ADAMTS20: variants seen among roughly 807,000 people sequenced by gnomAD.
The protein encoded by ADAMTS20 is A disintegrin and metalloproteinase with thrombospondin motifs 20.
ADAMTS20 carries 225 observed loss-of-function variants against 260.1 expected under a neutral mutation model. That is an observed-to-expected ratio of 0.87 (90% CI 0.78 to 0.97). The LOEUF (loss-of-function observed/expected upper bound fraction) is 0.97, where lower values mean the gene tolerates loss of function less well. Ranked by LOEUF, ADAMTS20 falls within the 50% of genes least tolerant of loss-of-function variation. The pLI, the probability that ADAMTS20 is intolerant of heterozygous loss-of-function variation, is 0.00. For missense variants in ADAMTS20, 2,400 were observed against 2,337.7 expected, an observed-to-expected ratio of 1.03 and a Z score of -0.55; for synonymous variants, 802 against 769.5, an observed-to-expected ratio of 1.04 and a Z score of -0.70.
At chr12:43,412,174 A>C (rs566504511) in intron 28 of ADAMTS20, among the ~76,000 whole-genome samples, 1 of 152,334 alleles carries the variant, frequency 6.6e-6, no homozygotes, top group South Asian at 2.1e-4. Context: ...AGGCTTACAT[A>C]TGCTTTCTGT....
At chr12:43,409,670 A>G (rs1021720398) in intron 28 of ADAMTS20, among the ~76,000 whole-genome samples, 1 of 151,188 alleles carries the variant, frequency 6.6e-6, no homozygotes, top group African/African-American at 2.4e-5. Flanking sequence ...CCCAATATTT[A>G]ACCAGAAAGA....
In ADAMTS20 at chr12:43,459,773, G is replaced by A. The variant is rs192253297; in HGVS notation, c.1614+3122C>T. ...TCAATATAAGAAAGCCATATTAGAA[G>A]TGAAAAAAAAATCATAATGTACTAT... On this transcript the variant is annotated intron_variant, in intron 11 of 38. Transcript: ENST00000389420. 3.9e-3 allele frequency among the ~76,000 whole-genome samples: 590 copies of A among 151,904 alleles called. 10 individuals carry two copies. Among genetic ancestry groups the A allele is most frequent in the Admixed American group, 0.032 (486 of 15,274 alleles).
chr12:43,543,138 G>T (rs966672126), intron 2 of ADAMTS20, among the ~76,000 whole-genome samples: 1 of 151,820 alleles, frequency 6.6e-6, no homozygotes, highest in Admixed American at 6.6e-5. Flanking sequence ...CATCTCTACT[G>T]AAAATTTTAA....
intron 28 of ADAMTS20, among the ~76,000 whole-genome samples, chr12:43,405,826 A>T (rs1039719672): frequency 6.6e-6 from 1 of 152,192 alleles, no homozygotes; most frequent in Non-Finnish European, 1.5e-5. Flanking sequence ...TAGATATGTC[A>T]CTTCTCTTTG....
intron 4 of ADAMTS20, among the ~76,000 whole-genome samples, chr12:43,501,148 T>TC (rs1376991341): frequency 3.5e-5 from 5 of 142,920 alleles, no homozygotes; most frequent in Non-Finnish European, 7.5e-5. Context: ...AACCTCTGCC[T>TC]CCCGGGTTCA....
At chr12:43,528,373 A>G (rs988325120) in intron 3 of ADAMTS20, among the ~76,000 whole-genome samples, 1 of 148,386 alleles carries the variant, frequency 6.7e-6, no homozygotes, top group Non-Finnish European at 1.5e-5. Context: ...AAAAAAAAAA[A>G]ACACAAATCC....
chr12:43,409,023 T>C (rs1345202059), intron 28 of ADAMTS20, among the ~76,000 whole-genome samples: 2 of 151,888 alleles, frequency 1.3e-5, no homozygotes, highest in African/African-American at 4.8e-5. Flanking sequence ...CCTGTATTCC[T>C]TTTTTTTACT....
intron 37 of ADAMTS20, among the ~76,000 whole-genome samples, chr12:43,358,698 A>G (rs1006676402): frequency 2.6e-5 from 4 of 151,112 alleles, no homozygotes; most frequent in Non-Finnish European, 4.4e-5. Context: ...TTAGCCAGGC[A>G]TGGTGGCGCG....
chr12:43,489,762 A>G (rs1288873382), intron 7 of ADAMTS20, among the ~76,000 whole-genome samples: 2 of 151,942 alleles, frequency 1.3e-5, no homozygotes, highest in African/African-American at 2.4e-5. Context: ...GAAGTTCATG[A>G]CACAAAAAAG....
At chr12:43,466,876 T>C in intron 8 of ADAMTS20, 81 bp from the exon 9 acceptor site, 1 of 1,003,644 alleles carries the variant, frequency 1.0e-6, no homozygotes, top group Admixed American at 2.6e-5. Flanking sequence ...AGTCACATTA[T>C]AATACAATAT....
intron 29 of ADAMTS20, among the ~76,000 whole-genome samples, chr12:43,395,040 C>G (rs1329605088): frequency 6.6e-6 from 1 of 152,072 alleles, no homozygotes; most frequent in Non-Finnish European, 1.5e-5. Flanking sequence ...AGTTAGAGTG[C>G]TAGTCACCTC....
intron 14 of ADAMTS20, among the ~76,000 whole-genome samples, chr12:43,451,351 T>A (rs1376623034): frequency 6.6e-6 from 1 of 152,208 alleles, no homozygotes; most frequent in African/African-American, 2.4e-5. Context: ...GCATCTCATC[T>A]GCTCTGACCT....
chr12:43,421,280 T>TAC (rs386362958), intron 28 of ADAMTS20, among the ~76,000 whole-genome samples: 1 of 27,018 alleles, frequency 3.7e-5, no homozygotes. Flanking sequence ...AGCTTTCATT[T>TAC]ACAAAAAAAA....
chr12:43,489,470 G>C (rs962873885), intron 7 of ADAMTS20, among the ~76,000 whole-genome samples: 4 of 151,576 alleles, frequency 2.6e-5, no homozygotes, highest in African/African-American at 9.7e-5. Context: ...ATTCCTTACA[G>C]AAAAAGAAAT....
chr12:43,460,910 T>C (rs1942047303), intron 11 of ADAMTS20, among the ~76,000 whole-genome samples: 1 of 141,830 alleles, frequency 7.1e-6, no homozygotes, highest in Non-Finnish European at 1.5e-5. Flanking sequence ...AAAATCAGAA[T>C]AGGAGTTTTC....
Position 43,490,388 on chromosome 12 carries a change from A to G in ADAMTS20, c.1117+7T>C. 1 of 1,236,146 alleles carries G rather than the reference A, an allele frequency of 8.1e-7. No individual in the cohort carries two copies. Among genetic ancestry groups the G allele is most frequent in the Non-Finnish European group, 1.1e-6 (1 of 906,792 alleles). The allele number at this position is 1,236,146 out of a possible 1,614,324, so 76.6% of individuals were successfully genotyped here. A position where few individuals can be genotyped will look rare whatever the true frequency, so the allele number is the denominator to read the frequency against. ...ATAAGCTAAACTTAATTGACAAAAT[A>G]ACTTACCTAACATGTTACATTTCTC... is the stretch of plus-strand genomic sequence containing the variant. On this transcript the variant is annotated splice_region_variant and intron_variant, in intron 7 of 38. Coordinates refer to ENST00000389420, the MANE Select transcript of ADAMTS20 (RefSeq NM_025003.5).
chr12:43,396,342 A>G (rs1940702875), intron 29 of ADAMTS20, among the ~76,000 whole-genome samples: 1 of 152,216 alleles, frequency 6.6e-6, no homozygotes, highest in Non-Finnish European at 1.5e-5. Flanking sequence ...AAATTATTTT[A>G]AGAGTGAGTG....
chr12:43,518,459 A>G (rs985541370), intron 3 of ADAMTS20, among the ~76,000 whole-genome samples: 2 of 152,020 alleles, frequency 1.3e-5, no homozygotes, highest in African/African-American at 4.8e-5. Flanking sequence ...CAATCTTCCT[A>G]GTTGATTTCT....
intron 7 of ADAMTS20, among the ~76,000 whole-genome samples, chr12:43,475,894 G>A (rs1434904620): frequency 7.7e-6 from 1 of 130,592 alleles, no homozygotes; most frequent in Admixed American, 8.0e-5. Context: ...AAAAACCCTA[G>A]AAGAAAACCT....
Sources: allele counts gnomAD v4.1 joint callset (sites outside exome capture counted in the v4.1 genomes callset), GRCh38; gene constraint gnomAD v4.1.1; transcripts MANE v1.5; gene names NCBI Gene and HGNC (gene_info 2026-07-23, HGNC 2026-07-21).